SYNJ1: variants seen among roughly 807,000 people sequenced by gnomAD.
The protein encoded by SYNJ1 is synaptojanin 1, also known as polyphosphatidylinositol phosphatase SYNJ1.
A neutral mutation model predicts 168.2 loss-of-function variants in SYNJ1; 78 were observed. The observed-to-expected ratio is 0.46, with a 90% CI of 0.39 to 0.56. SYNJ1 has a LOEUF of 0.56. Ranked by LOEUF, SYNJ1 falls within the 20% of genes least tolerant of loss-of-function variation. The pLI, the probability that SYNJ1 is intolerant of heterozygous loss-of-function variation, is 0.00. For missense variants in SYNJ1, 1,303 were observed against 1,597.6 expected (o/e 0.82, Z 3.14); for synonymous variants, 539 against 548.6 (o/e 0.98, Z 0.24).
intron 2 of SYNJ1, among the ~76,000 whole-genome samples, chr21:32,705,421 A>C (rs1369466600): frequency 6.6e-6 from 1 of 152,208 alleles, no homozygotes; most frequent in Non-Finnish European, 1.5e-5. Flanking sequence ...AGGCAGGGAC[A>C]AAATGAGCCT....
chr21:32,631,390 A>C lies in SYNJ1; in HGVS notation c.*415T>G. ...TTGTTATGACCAAGAGGCTGCAGAGAAGGGAAAGGACTGATAGTAACGGGC... is the reference window on the plus strand; with the variant it reads ...TTGTTATGACCAAGAGGCTGCAGAGCAGGGAAAGGACTGATAGTAACGGGC... On this transcript the variant is annotated 3_prime_UTR_variant, in exon 33 of 33. Transcript: ENST00000674351. 1 of 1,614,208 alleles carries C rather than the reference A, an allele frequency of 6.2e-7. No individual in the cohort carries two copies.
At chr21:32,645,096 T>C in intron 25 of SYNJ1, 90 bp from the exon 26 acceptor site, 1 of 1,271,292 alleles carries the variant, frequency 7.9e-7, no homozygotes, top group Admixed American at 2.4e-5. Context: ...ATCCATGACA[T>C]CAAGTATCAT....
intron 23 of SYNJ1, among the ~76,000 whole-genome samples, chr21:32,647,037 T>A (rs2040102338): frequency 6.6e-6 from 1 of 152,042 alleles, no homozygotes; most frequent in Non-Finnish European, 1.5e-5. Context: ...CCCAGAAGGC[T>A]CCTCCCTGCA....
At chr21:32,654,048 G>A (rs2145834410) in intron 21 of SYNJ1, 1 of 152,136 alleles carries the variant, frequency 6.6e-6, no homozygotes, top group Non-Finnish European at 1.5e-5. Flanking sequence ...ATGTAATGAA[G>A]TTATTATTCA....
rs1438173743 is a variant in SYNJ1 at position 32,641,868 on chromosome 21, C to G, written c.3588+28G>C. On this transcript the variant is annotated intron_variant, in intron 29 of 32. Transcript: ENST00000674351. ...GTAAACAGGACTTAGAACCGAGACC[C>G]CTTGGCCCCAGGCGAGGTTTTACCT... 3.8e-6 allele frequency: 6 copies of G among 1,566,644 alleles called. No homozygotes were observed. The East Asian group carries it at 1.4e-4, about 36-fold the overall frequency.
In SYNJ1 at chr21:32,646,617, G is replaced by C. The variant is rs1418285849; in HGVS notation, c.3038-15C>G. The C allele has an allele frequency of 6.2e-7, 1 of 1,604,868 alleles. No homozygotes were observed. Among genetic ancestry groups the C allele is most frequent in the South Asian group, 1.1e-5 (1 of 90,746 alleles). On this transcript the variant is annotated splice_polypyrimidine_tract_variant and intron_variant, in intron 23 of 32. Transcript: ENST00000674351. Reference sequence around the variant, plus strand: ...ATCAACATCACCTAAGGAAAAGCAGGCTTGATCAGAGATAACTCCATTTTA... The same window carrying C: ...ATCAACATCACCTAAGGAAAAGCAGCCTTGATCAGAGATAACTCCATTTTA...
rs2039229526 is a variant in SYNJ1 at position 32,629,207 on chromosome 21, A to G, written c.*2598T>C. 6.6e-6 allele frequency: 1 copy of G among 152,660 alleles called. No homozygotes were observed. The highest frequency in any genetic ancestry group is 1.5e-5 in the Non-Finnish European group (1 of 68,034). 9.5% of individuals were successfully genotyped at this position (152,660 alleles called of 1,614,324 possible). On this transcript the variant is annotated 3_prime_UTR_variant, in exon 33 of 33. Transcript: ENST00000674351. The stretch of plus-strand genomic sequence containing the variant: ...ACTAGTGAAGTTTACCTAACAATGA[A>G]TTATTTTGCTAATGGAGAGCAAATA...
intron 2 of SYNJ1, among the ~76,000 whole-genome samples, chr21:32,713,492 GTCAACATGGATGATTTCCCATATA>G (rs1472298792): frequency 1.8e-3 from 227 of 129,656 alleles, no homozygotes; most frequent in East Asian, 0.014. Context: ...TTTCCCATAT[GTCAACATGGATGATTTCCCATATA>G]TCAACATGGA....
intron 10 of SYNJ1, 86 bp from the exon 11 acceptor site, chr21:32,681,734 A>C: frequency 7.7e-7 from 1 of 1,300,516 alleles, no homozygotes; most frequent in Admixed American, 2.6e-5. Context: ...ATCAAACCAA[A>C]AATTTATCAT....
intron 29 of SYNJ1, among the ~76,000 whole-genome samples, chr21:32,641,251 T>G (rs569130460): frequency 6.6e-6 from 1 of 152,314 alleles, no homozygotes; most frequent in East Asian, 1.9e-4. Flanking sequence ...CCTAAGTCAC[T>G]GATTACTGGT....
At chr21:32,669,193 CT>C (rs947555601) in intron 15 of SYNJ1, among the ~76,000 whole-genome samples, 1 of 151,594 alleles carries the variant, frequency 6.6e-6, no homozygotes, top group Admixed American at 6.6e-5. Context: ...CAAACTGCCA[CT>C]TTTTTTTTGG....
rs532811805 is a variant in SYNJ1, at chr21:32,691,155, G to T, written c.790-2788C>A. Among the ~76,000 whole-genome samples the T allele has an allele frequency of 1.0e-3, 152 of 152,286 alleles. 1 individual carries two copies. The South Asian group carries it at 0.016, about 16-fold the overall frequency. ...TGTAACCCCCAAGGTTGAAGGTGGG[G>T]TCTGGTGGGAGGTGACTGAATCATG... On this transcript the variant is annotated intron_variant, in intron 6 of 32. Coordinates refer to ENST00000674351, the MANE Select transcript of SYNJ1 (RefSeq NM_203446.3).
intron 32 of SYNJ1, among the ~76,000 whole-genome samples, chr21:32,633,068 T>C (rs528775420): frequency 1.2e-4 from 18 of 152,194 alleles, no homozygotes; most frequent in African/African-American, 3.4e-4. Flanking sequence ...CATAAAAAAA[T>C]TGACCCTCCT....
In SYNJ1 at chr21:32,702,059, A is replaced by T; in HGVS notation, c.125-12T>A. On this transcript the variant is annotated splice_polypyrimidine_tract_variant and intron_variant, in intron 2 of 32. Coordinates refer to ENST00000674351, the MANE Select transcript of SYNJ1 (RefSeq NM_203446.3). ...TTTTTCTGCAGATGCTACAAAAAAA[A>T]GTTTTAGTTTAAGAAAAATGACCTG... The T allele has an allele frequency of 1.9e-6, 3 of 1,547,748 alleles. No homozygotes were observed. The highest frequency in any genetic ancestry group is 2.6e-6 in the Non-Finnish European group (3 of 1,138,208).
At chr21:32,686,809 T>A (rs1469052178) in intron 8 of SYNJ1, among the ~76,000 whole-genome samples, 169 bp downstream of exon 8, 1 of 152,254 alleles carries the variant, frequency 6.6e-6, no homozygotes, top group Non-Finnish European at 1.5e-5. Context: ...AACATTAGCC[T>A]AAATTGTTTC....
intron 6 of SYNJ1, among the ~76,000 whole-genome samples, chr21:32,688,982 A>AT (rs2041927909): frequency 6.6e-6 from 1 of 152,202 alleles, no homozygotes; most frequent in Non-Finnish European, 1.5e-5. Flanking sequence ...CCATCACCCA[A>AT]TTATAGTATT....
At chr21:32,686,010 A>C (rs1378107482) in intron 8 of SYNJ1, 93 bp from the exon 9 acceptor site, 3 of 1,347,494 alleles carry the variant, frequency 2.2e-6, no homozygotes, top group Non-Finnish European at 3.0e-6. Flanking sequence ...ACTGGCAATA[A>C]ATCTTTTCCC....
chr21:32,702,193 A>T, intron 2 of SYNJ1, 146 bp from the exon 3 acceptor site: 1 of 533,826 alleles, frequency 1.9e-6, no homozygotes, highest in East Asian at 2.9e-5. Flanking sequence ...AACTAGTAAC[A>T]TTAGTATTCT....
chr21:32,670,559 T>C (rs1291988095), intron 14 of SYNJ1, among the ~76,000 whole-genome samples, 187 bp from the exon 15 acceptor site: 1 of 152,184 alleles, frequency 6.6e-6, no homozygotes, highest in East Asian at 1.9e-4. Context: ...TATTAGGGTG[T>C]CCTAAGTTTG....
Sources: gnomAD v4.1 joint callset for allele counts (sites outside exome capture counted in the v4.1 genomes callset) on GRCh38, gnomAD v4.1.1 for gene constraint, MANE v1.5 for transcripts, NCBI Gene and HGNC (gene_info 2026-07-23, HGNC 2026-07-21) for gene names.